Variants in UGP2 observed in about 807,000 individuals in gnomAD.
UGP2 encodes UDP-glucose pyrophosphorylase 2.
A neutral mutation model predicts 49.0 loss-of-function variants in UGP2; 40 were observed. The ratio of observed to expected loss-of-function variants is 0.82; its 90% CI spans 0.63 to 1.06. UGP2 has a LOEUF of 1.06. UGP2 is among the 50% of genes least tolerant of loss of function. The pLI, the probability that UGP2 is intolerant of heterozygous loss-of-function variation, is 0.00. For missense variants in UGP2, 460 were observed against 603.5 expected (o/e 0.76, Z 2.49); for synonymous variants, 225 against 213.0 (o/e 1.06, Z -0.49).
At chr2:63,875,226 G>A (rs1216975889) in intron 3 of UGP2, among the ~76,000 whole-genome samples, 1 of 152,202 alleles carries the variant, frequency 6.6e-6, no homozygotes, top group African/African-American at 2.4e-5. Flanking sequence ...TGTACATATG[G>A]AGTGGCATTC....
intron 1 of UGP2, 170 bp from the exon 2 acceptor site, chr2:63,856,136 G>T: frequency 1.4e-6 from 1 of 694,936 alleles, no homozygotes; most frequent in Non-Finnish European, 2.3e-6. Context: ...TGAAACTGGA[G>T]TGAAACGAGT....
rs796797996 is a variant in UGP2 at position 63,857,392 on chromosome 2, C to G, written c.148-437C>G. On this transcript the variant is annotated intron_variant, in intron 2 of 9. Coordinates refer to ENST00000337130, the MANE Select transcript of UGP2 (RefSeq NM_006759.4). ...TTTTTGTTTGTTTTTGAGACAGGAT[C>G]TCACTCTGTCACCCAGGCTGGAGTG... Among the ~76,000 whole-genome samples the G allele has an allele frequency of 1.2e-4, 19 of 152,048 alleles. 1 individual carries two copies. The highest frequency in any genetic ancestry group is 1.4e-4 in the African/African-American group (6 of 41,464).
chr2:63,842,514 T>C, intron 1 of UGP2: 1 of 1,535,288 alleles, frequency 6.5e-7, no homozygotes, highest in Non-Finnish European at 8.7e-7. Flanking sequence ...TTAATCCTTG[T>C]TCTCTTTTCC....
intron 3 of UGP2, chr2:63,859,236 C>G (rs1019118869): frequency 1.3e-5 from 2 of 152,060 alleles, no homozygotes; most frequent in Admixed American, 6.6e-5. Context: ...CTCGAGCAAT[C>G]TACCTGCCTT....
At chr2:63,857,999 A>T in intron 3 of UGP2, 63 bp downstream of exon 3, 1 of 1,501,368 alleles carries the variant, frequency 6.7e-7, no homozygotes. Flanking sequence ...TTAACTTAGG[A>T]CGGTTGGGTA....
At chr2:63,856,160 C>T (rs1669403323) in intron 1 of UGP2, 146 bp from the exon 2 acceptor site, 3 of 934,570 alleles carry the variant, frequency 3.2e-6, no homozygotes, top group Non-Finnish European at 4.7e-6. Context: ...AACTAGTTGA[C>T]ACCACTGAAT....
chr2:63,874,766 C>G (rs979410720), intron 3 of UGP2, among the ~76,000 whole-genome samples: 2 of 150,774 alleles, frequency 1.3e-5, no homozygotes, highest in Admixed American at 6.6e-5. Flanking sequence ...ATAGTGAGAA[C>G]TGATTGTTTA....
At chr2:63,880,906 CCTCTT>C (rs970046316) in intron 3 of UGP2, among the ~76,000 whole-genome samples, 6 of 152,300 alleles carry the variant, frequency 3.9e-5, no homozygotes, top group African/African-American at 1.4e-4. Context: ...CCTGTCCCCT[CCTCTT>C]ATCTTTTCTG....
In UGP2 at chr2:63,870,455, T is replaced by G. The variant is rs528608206; in HGVS notation, c.256-12011T>G. Among the ~76,000 whole-genome samples, 6 of 152,312 alleles carry G rather than the reference T, an allele frequency of 3.9e-5. No individual in the cohort carries two copies. In the South Asian group the frequency reaches 8.3e-4, roughly 21 times the overall value. On this transcript the variant is annotated intron_variant, in intron 3 of 9. Coordinates refer to ENST00000337130, the MANE Select transcript of UGP2 (RefSeq NM_006759.4). ...TACTAATTTTATGACCTATAAAATT[T>G]CTTATGCAAAACAAAGTTTTCTATT...
At chr2:63,891,081 C>CAGTT (rs1470896599) in intron 9 of UGP2, 39 bp from the exon 10 acceptor site, 1 of 1,544,670 alleles carries the variant, frequency 6.5e-7, no homozygotes, top group South Asian at 1.2e-5. Flanking sequence ...AATTGCATTT[C>CAGTT]AGTTGCAAGT....
intron 3 of UGP2, among the ~76,000 whole-genome samples, chr2:63,872,500 T>C (rs1670624697): frequency 1.3e-5 from 2 of 152,168 alleles, no homozygotes; most frequent in African/African-American, 4.8e-5. Context: ...ATTAATGAAG[T>C]AAATGAAAAA....
intron 3 of UGP2, among the ~76,000 whole-genome samples, chr2:63,861,696 A>C (rs548906016): frequency 1.8e-4 from 27 of 151,528 alleles, no homozygotes; most frequent in South Asian, 1.2e-3. Context: ...TCAAAAAAAA[A>C]AAAAAAACAA....
chr2:63,844,904 C>G (rs1671826821), intron 1 of UGP2, among the ~76,000 whole-genome samples: 1 of 152,164 alleles, frequency 6.6e-6, no homozygotes, highest in Admixed American at 6.5e-5. Flanking sequence ...CTAGTCCTTC[C>G]CGACATCTTT....
In UGP2 at chr2:63,886,565, C is replaced by T. The variant is rs1256409168; in HGVS notation, c.1071+27C>T. 3 of 1,612,026 alleles carry T rather than the reference C, an allele frequency of 1.9e-6. No individual in the cohort carries two copies. In the Admixed American group the frequency reaches 5.0e-5, roughly 27 times the overall value. On this transcript the variant is annotated intron_variant, in intron 7 of 9. Transcript: ENST00000337130. ...TAAGCCAAGGTTGTGGCCCATTGAG[C>T]TTCCTGGTTCCTAAGGTCATAGTAG...
intron 3 of UGP2, among the ~76,000 whole-genome samples, chr2:63,861,245 A>G (rs1195320628): frequency 1.3e-5 from 2 of 151,544 alleles, no homozygotes; most frequent in Non-Finnish European, 2.9e-5. Context: ...TGACCATTTC[A>G]TTGTTTTCCA....
At chr2:63,841,520 C>G (rs1159633230), upstream of UGP2, among the ~76,000 whole-genome samples, 1 of 152,080 alleles carries the variant, frequency 6.6e-6, no homozygotes, top group East Asian at 1.9e-4. Context: ...AAGCTGCGGC[C>G]GGGTTTCACT....
intron 1 of UGP2, chr2:63,855,540 T>TC (rs1669349804): frequency 4.2e-6 from 1 of 237,226 alleles, no homozygotes; most frequent in Non-Finnish European, 8.1e-6. Context: ...TTTTTTTTTT[T>TC]TCTCTTTTCT....
At chr2:63,854,734 T>C (rs777802165) in intron 1 of UGP2, 1 of 152,244 alleles carries the variant, frequency 6.6e-6, no homozygotes, top group African/African-American at 2.4e-5. Flanking sequence ...CTTGTTGTAA[T>C]GTTCTTTTGT....
chr2:63,865,554 A>T (rs1327797743), intron 3 of UGP2, among the ~76,000 whole-genome samples: 6 of 51,712 alleles, frequency 1.2e-4, no homozygotes, highest in East Asian at 1.5e-3. Context: ...TTTTTTTTTT[A>T]AAGAGACAGG....
Sources: allele counts gnomAD v4.1 joint callset (sites outside exome capture counted in the v4.1 genomes callset), GRCh38; gene constraint gnomAD v4.1.1; transcripts MANE v1.5; gene names NCBI Gene and HGNC (gene_info 2026-07-23, HGNC 2026-07-21).